Variants in MAN2B1 observed in about 807,000 individuals in gnomAD.
MAN2B1 encodes mannosidase alpha class 2B member 1.
Under a neutral mutation model 127.5 loss-of-function variants are expected in MAN2B1, and 99 were observed. That is an observed-to-expected ratio of 0.78 (90% CI 0.66 to 0.92). The LOEUF is 0.92. Among genes scored for constraint, MAN2B1 ranks in the 40% least tolerant of loss-of-function variants. The pLI, the probability that MAN2B1 is intolerant of heterozygous loss-of-function variation, is 0.00. For missense variants in MAN2B1, 1,304 were observed against 1,384.8 expected, an observed-to-expected ratio of 0.94 and a Z score of 0.93; for synonymous variants, 573 against 568.8, an observed-to-expected ratio of 1.01 and a Z score of -0.11.
chr19:12,652,537 T>A, intron 14 of MAN2B1, 77 bp from the exon 15 acceptor site: 3 of 522,066 alleles, frequency 5.7e-6, no homozygotes, highest in Non-Finnish European at 8.3e-6. Flanking sequence ...TTCTTTTTTC[T>A]TTTTTTTTTT....
In MAN2B1 at chr19:12,655,732, TG is replaced by T; in HGVS notation, c.1791del (p.Arg598GlufsTer8). 1.2e-6 allele frequency: 2 copies of T among 1,609,268 alleles called. No homozygotes were observed. Among genetic ancestry groups the T allele is most frequent in the Non-Finnish European group, 1.7e-6 (2 of 1,176,588 alleles). ...KPQARAPQPIPRRSWSPALTI... is the reference protein window; with the variant it reads ...KPQARAPQPIXRRSWSPALTI... Reference sequence around the variant, plus strand: ...GTTAAAGCAGGGGACCAGGATCTTCTGGGGATGGGCTGTGGTGCGCGGGCCT... The same window carrying T: ...GTTAAAGCAGGGGACCAGGATCTTCTGGGATGGGCTGTGGTGCGCGGGCCT... On this transcript the variant is annotated frameshift_variant, in exon 14 of 24. Coordinates refer to ENST00000456935, the MANE Select transcript of MAN2B1 (RefSeq NM_000528.4). LOFTEE classifies it high-confidence loss of function.
intron 4 of MAN2B1, 45 bp from the exon 5 acceptor site, chr19:12,663,880 C>T (rs773624084): frequency 1.2e-6 from 2 of 1,613,234 alleles, no homozygotes; most frequent in South Asian, 2.2e-5. Flanking sequence ...GTGCCCAGCC[C>T]TCTCACCACC....
chr19:12,665,793 C>A lies in MAN2B1; in HGVS notation c.172G>T (p.Val58Leu), dbSNP rs1166196094. The change falls in exon 2 of 24, where the codon GTG becomes TTG. Residue 58 changes from valine to leucine, a missense_variant. By Grantham distance (32) the Val-to-Leu change is conservative (BLOSUM62 1). Coordinates refer to ENST00000456935, the MANE Select transcript of MAN2B1 (RefSeq NM_000528.4). ...RAGGYETCPT[V>L]QPNMLNVHLL... is the part of the protein sequence containing the mutation. Reference sequence around the variant, plus strand: ...TGCACGTTCAGCATGTTCGGCTGCACTGTGGGGCATGTCTGCACAGGGACC... The same window carrying A: ...TGCACGTTCAGCATGTTCGGCTGCAATGTGGGGCATGTCTGCACAGGGACC... 6.2e-7 allele frequency: 1 copy of A among 1,613,922 alleles called. No individual in the cohort carries two copies. Among genetic ancestry groups the A allele is most frequent in the East Asian group, 2.2e-5 (1 of 44,886 alleles).
At chr19:12,648,470 G>T (rs1039625598) in intron 20 of MAN2B1, 68 bp from the exon 21 acceptor site, 2 of 1,159,658 alleles carry the variant, frequency 1.7e-6, no homozygotes, top group Non-Finnish European at 2.5e-6. Context: ...CCAGAAACTG[G>T]GTAAGGGCGT....
chr19:12,652,586 C>T, intron 14 of MAN2B1, 126 bp from the exon 15 acceptor site: 1 of 719,838 alleles, frequency 1.4e-6, no homozygotes, highest in Non-Finnish European at 2.4e-6. Context: ...GGCTAGAGTA[C>T]AGTGGTGCAA....
chr19:12,656,451 G>A, intron 13 of MAN2B1, 120 bp downstream of exon 13: 3 of 740,524 alleles, frequency 4.1e-6, no homozygotes, highest in Admixed American at 1.8e-5. Flanking sequence ...TACAAGAGGG[G>A]GGAAGAGATA....
chr19:12,665,350 AC>A lies in MAN2B1; in HGVS notation c.436+1del. 6.2e-7 allele frequency: 1 copy of A among 1,604,166 alleles called. No homozygotes were observed. The highest frequency in any genetic ancestry group is 8.5e-7 in the Non-Finnish European group (1 of 1,179,896). ...CTTTTCACTTCCTTGGGGTAGGCTC[AC>A]CCTGGCGCACAAGGTCTCGCACGAC... On this transcript the variant is annotated splice_donor_variant, in intron 3 of 23. Transcript: ENST00000456935. LOFTEE classifies it high-confidence loss of function.
At chr19:12,648,971 G>A (rs908365946) in intron 20 of MAN2B1, among the ~76,000 whole-genome samples, 165 bp downstream of exon 20, 2 of 152,142 alleles carry the variant, frequency 1.3e-5, no homozygotes, top group Non-Finnish European at 2.9e-5. Flanking sequence ...CTCCAGCTTG[G>A]ACAACAAGAG....
rs373240866 is a variant in MAN2B1, at chr19:12,649,931, C to T, written c.2249G>A (p.Arg750Gln). Residue 750 changes from arginine to glutamine, a missense_variant, in exon 18 of 24, where the codon CGG becomes CAG. By Grantham distance (43) the Arg-to-Gln change is conservative (BLOSUM62 1). Coordinates refer to ENST00000456935, the MANE Select transcript of MAN2B1 (RefSeq NM_000528.4). ...KGRFYTDSNGREILERRRDYR... is the reference protein window; with the variant it reads ...KGRFYTDSNGQEILERRRDYR... ...CCCCCACCTCCTCTCCAGGATCTCC[C>T]GGCCATTGCTGTCTGTGTAGAAGCG... 18 of 1,613,534 alleles carry T rather than the reference C, an allele frequency of 1.1e-5. No homozygotes were observed. Among genetic ancestry groups the T allele is most frequent in the African/African-American group, 8.0e-5 (6 of 74,774 alleles).
chr19:12,665,848 C>G, intron 1 of MAN2B1, 43 bp from the exon 2 acceptor site: 1 of 1,506,106 alleles, frequency 6.6e-7, no homozygotes, highest in East Asian at 2.3e-5. Context: ...CAATAACCCC[C>G]GAGGTCGGGG....
chr19:12,654,965 C>T (rs1017990913), intron 14 of MAN2B1, among the ~76,000 whole-genome samples: 1 of 152,146 alleles, frequency 6.6e-6, no homozygotes, highest in Non-Finnish European at 1.5e-5. Context: ...GATGCCTGGC[C>T]TATTTTATTA....
Position 12,656,573 on chromosome 19 carries a change from C to T in MAN2B1, c.1642G>A (p.Asp548Asn). ...GAATATTCGTTGTTTGGGCTCACAT[C>T]GCTGGGCACTGTCCTGCCATTGGGG... ...KDPNGRTVPSDVVIFPSSDSQ... is the reference protein window; with the variant it reads ...KDPNGRTVPSNVVIFPSSDSQ... The change falls in exon 13 of 24, where the codon GAT becomes AAT. Residue 548 changes from aspartate (D) to asparagine (N), a missense_variant and splice_region_variant. By Grantham distance (23) the Asp-to-Asn change is conservative (BLOSUM62 1). Coordinates refer to ENST00000456935, the MANE Select transcript of MAN2B1 (RefSeq NM_000528.4). 1 of 1,611,518 alleles carries T rather than the reference C, an allele frequency of 6.2e-7. No individual in the cohort carries two copies. The highest frequency in any genetic ancestry group is 8.5e-7 in the Non-Finnish European group (1 of 1,177,702).
At chr19:12,654,830 C>T (rs772118515) in intron 14 of MAN2B1, among the ~76,000 whole-genome samples, 1 of 151,948 alleles carries the variant, frequency 6.6e-6, no homozygotes, top group Non-Finnish European at 1.5e-5. Flanking sequence ...TGTACCACCA[C>T]CCCCAGCTAA....
Position 12,661,266 on chromosome 19 carries a change from A to G in MAN2B1, c.1020T>C (p.Asn340=), listed in dbSNP as rs1389459819. Residue 340 remains asparagine (N), a synonymous_variant, in exon 7 of 24, where the codon AAT becomes AAC. Transcript: ENST00000456935. ...KNLDKLIRLV[N]AQQAKGSSVH... is the part of the protein sequence containing the mutation. ...ACAGGGTAGGCGCACTGACCTGCGC[A>G]TTTACCAGCCGGATGAGCTTGTCAA... 7 of 1,612,652 alleles carry G rather than the reference A, an allele frequency of 4.3e-6. No homozygotes were observed. The highest frequency in any genetic ancestry group is 1.3e-5 in the African/African-American group (1 of 74,896).
At chr19:12,663,929 G>A (rs137950466) in intron 4 of MAN2B1, 94 bp from the exon 5 acceptor site, 4 of 1,547,646 alleles carry the variant, frequency 2.6e-6, no homozygotes, top group Non-Finnish European at 3.6e-6. Flanking sequence ...TCAGAGCACA[G>A]GTTAAAAAGC....
At chr19:12,646,855 A>G (rs959774889) in intron 23 of MAN2B1, 123 bp from the exon 24 acceptor site, 50 of 717,538 alleles carry the variant, frequency 7.0e-5, no homozygotes, top group Non-Finnish European at 1.1e-4. Flanking sequence ...CCAGGGCCTC[A>G]ATCCCAGACT....
chr19:12,655,575 G>A lies in MAN2B1; in HGVS notation c.1830+119C>T, dbSNP rs1002782013. 2.3e-5 allele frequency: 23 copies of A among 988,470 alleles called. No homozygotes were observed. The African/African-American group carries it at 2.9e-4, about 13-fold the overall frequency. The allele number at this position is 988,470 out of a possible 1,614,324, so 61.2% of individuals were successfully genotyped here. On this transcript the variant is annotated intron_variant, in intron 14 of 23. Transcript: ENST00000456935. ...TCACTTGCTCAAGGACACACAATGA[G>A]GGGAGTTGTGACAGGAGGTCATAAG...
chr19:12,663,258 T>C (rs1568306854), intron 6 of MAN2B1, 59 bp downstream of exon 6: 9 of 1,595,910 alleles, frequency 5.6e-6, no homozygotes, highest in African/African-American at 2.7e-5. Context: ...GCCTGTACCA[T>C]GGAAAGAGCT....
At position 12,663,018 on chromosome 19, in the gene MAN2B1, C is replaced by T. The variant is rs143745710; in HGVS notation, c.909+299G>A. Among the ~76,000 whole-genome samples the T allele has an allele frequency of 1.6e-3, 237 of 151,470 alleles. 1 individual carries two copies. Among genetic ancestry groups the T allele is most frequent in the African/African-American group, 5.6e-3 (232 of 41,210 alleles). On this transcript the variant is annotated intron_variant, in intron 6 of 23. Coordinates refer to ENST00000456935, the MANE Select transcript of MAN2B1 (RefSeq NM_000528.4). ...CGGTGGCTCATGCCTGTAATCCCGGCACTTTGGGAGGCCGAGGCAAGCAGA... is the reference window on the plus strand; with the variant it reads ...CGGTGGCTCATGCCTGTAATCCCGGTACTTTGGGAGGCCGAGGCAAGCAGA...
Sources: gnomAD v4.1 joint callset for allele counts (sites outside exome capture counted in the v4.1 genomes callset) on GRCh38, gnomAD v4.1.1 for gene constraint, MANE v1.5 for transcripts, NCBI Gene and HGNC (gene_info 2026-07-23, HGNC 2026-07-21) for gene names.